OSTN: variants seen among roughly 807,000 people sequenced by gnomAD.
OSTN encodes osteocrin.
OSTN carries 9 observed loss-of-function variants against 12.0 expected under a neutral mutation model. That is an observed-to-expected ratio of 0.75 (90% CI 0.45 to 1.30). OSTN has a LOEUF of 1.30. OSTN is among the 50% of genes most tolerant of loss of function. The pLI is 0.00. For synonymous variants in OSTN, 59 were observed against 56.9 expected, an observed-to-expected ratio of 1.04 and a Z score of -0.16; for missense variants, 148 against 152.3, an observed-to-expected ratio of 0.97 and a Z score of 0.15.
At chr3:191,202,879 T>C (rs1714182362) in intron 1 of OSTN, among the ~76,000 whole-genome samples, 1 of 152,236 alleles carries the variant, frequency 6.6e-6, no homozygotes, top group Non-Finnish European at 1.5e-5. Context: ...TATATACTAA[T>C]GTTATTTTCT....
chr3:191,233,824 T>A (rs1014733403), intron 3 of OSTN, among the ~76,000 whole-genome samples: 3 of 152,046 alleles, frequency 2.0e-5, no homozygotes, highest in African/African-American at 7.2e-5. Context: ...TGAAACACCA[T>A]CTCTACTAAA....
At chr3:191,206,140 C>T (rs924766229) in intron 1 of OSTN, among the ~76,000 whole-genome samples, 7 of 150,944 alleles carry the variant, frequency 4.6e-5, no homozygotes, top group African/African-American at 9.8e-5. Context: ...GAGCCAAGAT[C>T]GTGCCACTGC....
At chr3:191,228,210 G>T (rs1429876908) in intron 3 of OSTN, among the ~76,000 whole-genome samples, 1 of 152,098 alleles carries the variant, frequency 6.6e-6, no homozygotes, top group East Asian at 1.9e-4. Context: ...AAGCTTCCTT[G>T]CTATCAGGTA....
intron 3 of OSTN, among the ~76,000 whole-genome samples, chr3:191,241,736 G>A (rs760672872): frequency 6.6e-6 from 1 of 152,112 alleles, no homozygotes; most frequent in Non-Finnish European, 1.5e-5. Flanking sequence ...AATTTTCAAC[G>A]AAGTGCTATT....
intron 3 of OSTN, among the ~76,000 whole-genome samples, chr3:191,219,446 A>G (rs1576926543): frequency 6.6e-6 from 1 of 152,322 alleles, no homozygotes; most frequent in South Asian, 2.1e-4. Flanking sequence ...GTTTCTTCCT[A>G]TGTGACTTGT....
At chr3:191,257,675 A>G (rs529274367) in intron 4 of OSTN, among the ~76,000 whole-genome samples, 68 of 152,356 alleles carry the variant, frequency 4.5e-4, no homozygotes, top group African/African-American at 1.3e-3. Flanking sequence ...TTTTTTGGCC[A>G]TAAACCTGCC....
rs1402611086 is a variant in OSTN at position 191,204,153 on chromosome 3, GT to G, written c.-1+4847del. On this transcript the variant is annotated intron_variant, in intron 1 of 4. Coordinates refer to ENST00000682035, the MANE Select transcript of OSTN (RefSeq NM_198184.2). ...GATCTGCCCACCTCGGCATCCCAAA[GT>G]GCTGGGATCACAGGCGTGAGCCACC... Among the ~76,000 whole-genome samples, 3 of 152,140 alleles carry G rather than the reference GT, an allele frequency of 2.0e-5. No homozygotes were observed. The East Asian group carries it at 5.8e-4, about 29-fold the overall frequency.
chr3:191,251,403 G>A (rs1181823425), intron 4 of OSTN, among the ~76,000 whole-genome samples: 1 of 152,130 alleles, frequency 6.6e-6, no homozygotes, highest in African/African-American at 2.4e-5. Context: ...AAGACAAACT[G>A]GAACTGCTTT....
chr3:191,207,754 T>A (rs1714314723), intron 1 of OSTN, among the ~76,000 whole-genome samples: 1 of 152,166 alleles, frequency 6.6e-6, no homozygotes, highest in Non-Finnish European at 1.5e-5. Context: ...TTAATGTGAA[T>A]TGGAACTCTA....
Position 191,222,883 on chromosome 3 carries a change from C to T in OSTN, c.317+3922C>T, listed in dbSNP as rs1239113989. Among the ~76,000 whole-genome samples the T allele has an allele frequency of 3.9e-5, 6 of 152,026 alleles. No individual in the cohort carries two copies. In the East Asian group the frequency reaches 5.8e-4, roughly 15 times the overall value. ...TGAGATCTGATGATTTTATAAAAGG[C>T]TTTCCCTCCCTTTTGCTCTGCACTT... On this transcript the variant is annotated intron_variant, in intron 3 of 4. Transcript: ENST00000682035.
chr3:191,219,355 C>T (rs531891712), intron 3 of OSTN, among the ~76,000 whole-genome samples: 56 of 152,286 alleles, frequency 3.7e-4, no homozygotes, highest in African/African-American at 1.2e-3. Flanking sequence ...TGATGCAAAC[C>T]GTTCCACATT....
chr3:191,232,331 T>TAAAAAAAAAAAAAAA lies in OSTN; in HGVS notation c.317+13386_317+13400dup, dbSNP rs61313474. Among the ~76,000 whole-genome samples the TAAAAAAAAAAAAAAA allele has an allele frequency of 2.5e-4, 17 of 67,490 alleles. 2 individuals are homozygous for TAAAAAAAAAAAAAAA. Among genetic ancestry groups the TAAAAAAAAAAAAAAA allele is most frequent in the African/African-American group, 1.2e-3 (14 of 11,382 alleles). 44.3% of individuals were successfully genotyped at this position (67,490 alleles called of 152,430 possible). On this transcript the variant is annotated intron_variant, in intron 3 of 4. Coordinates refer to ENST00000682035, the MANE Select transcript of OSTN (RefSeq NM_198184.2). ...CTGGGTGACAGAGGGAGACTCTGTC[T>TAAAAAAAAAAAAAAA]AAAAAAAAAAAAAAAAAAAAAAAAA...
intron 1 of OSTN, among the ~76,000 whole-genome samples, chr3:191,208,418 T>C (rs1714336172): frequency 6.6e-6 from 1 of 152,254 alleles, no homozygotes; most frequent in Non-Finnish European, 1.5e-5. Flanking sequence ...GTGTTTGTTT[T>C]CATTAGTGTA....
intron 4 of OSTN, among the ~76,000 whole-genome samples, chr3:191,260,766 C>A (rs1715790435): frequency 6.6e-6 from 1 of 152,190 alleles, no homozygotes; most frequent in East Asian, 1.9e-4. Flanking sequence ...GTCAAGCTCT[C>A]CAGGACATAA....
intron 1 of OSTN, among the ~76,000 whole-genome samples, chr3:191,209,406 C>T (rs1714363403): frequency 6.6e-6 from 1 of 152,118 alleles, no homozygotes; most frequent in African/African-American, 2.4e-5. Flanking sequence ...TCATGATTTA[C>T]TGGTTTTGCT....
At chr3:191,258,367 T>A (rs1419048826) in intron 4 of OSTN, among the ~76,000 whole-genome samples, 3 of 152,004 alleles carry the variant, frequency 2.0e-5, no homozygotes, top group Admixed American at 2.0e-4. Flanking sequence ...AATTTAAATA[T>A]GAAAAAAGTG....
In OSTN at chr3:191,265,146, T is replaced by G. The variant is rs1715894582; in HGVS notation, c.*2293T>G. 1 of 152,204 alleles carries G rather than the reference T, an allele frequency of 6.6e-6. No individual in the cohort carries two copies. Among genetic ancestry groups the G allele is most frequent in the Non-Finnish European group, 1.5e-5 (1 of 68,000 alleles). The allele number at this position is 152,204 out of a possible 1,614,324, so 9.4% of individuals were successfully genotyped here. A position where few individuals can be genotyped will look rare whatever the true frequency, so the allele number is the denominator to read the frequency against. On this transcript the variant is annotated 3_prime_UTR_variant, in exon 5 of 5. Transcript: ENST00000682035. Reference sequence around the variant, plus strand: ...CAGTAAATTAAGACAGAATTTTTGTTAAGAATATGACAAGTCATCTCACTT... The same window carrying G: ...CAGTAAATTAAGACAGAATTTTTGTGAAGAATATGACAAGTCATCTCACTT...
intron 3 of OSTN, among the ~76,000 whole-genome samples, chr3:191,220,249 C>G (rs1282137600): frequency 1.3e-5 from 2 of 152,100 alleles, no homozygotes; most frequent in Non-Finnish European, 2.9e-5. Flanking sequence ...CAAAGCTACA[C>G]TAGAAAATAA....
At chr3:191,214,320 C>T (rs150104114) in intron 2 of OSTN, among the ~76,000 whole-genome samples, 3,955 of 151,164 alleles carry the variant, frequency 0.026, 73 homozygotes, top group Middle Eastern at 0.096. Flanking sequence ...TAGTGGTGGG[C>T]GCCTGTAGTC....
Sources: allele counts gnomAD v4.1 joint callset (sites outside exome capture counted in the v4.1 genomes callset), GRCh38; gene constraint gnomAD v4.1.1; transcripts MANE v1.5; gene names NCBI Gene and HGNC (gene_info 2026-07-23, HGNC 2026-07-21).